Variants in CELF2 observed in about 807,000 individuals in gnomAD.
CELF2 encodes the protein CUG triplet repeat RNA-binding protein 2.
In CELF2, 8 loss-of-function variants were observed where a neutral mutation model predicts 62.6. That is an observed-to-expected ratio of 0.13 (90% CI 0.07 to 0.23). CELF2 has a LOEUF of 0.23. Among genes scored for constraint, CELF2 ranks in the 10% least tolerant of loss-of-function variants. The pLI, the probability that CELF2 is intolerant of heterozygous loss-of-function variation, is 1.00. For missense variants in CELF2, 333 were observed against 671.0 expected (o/e 0.50, Z 5.56); for synonymous variants, 258 against 250.0 (o/e 1.03, Z -0.30).
chr10:10,723,941 C>T, the CELF2 span, among the ~76,000 whole-genome samples: 2 of 152,100 alleles, frequency 1.3e-5, no homozygotes, highest in Non-Finnish European at 2.9e-5. Flanking sequence ...ATGATTATTT[C>T]ATCTCCAATG....
Position 11,237,474 on chromosome 10 carries a change from G to A in CELF2, c.355-11679G>A, listed in dbSNP as rs2071880243. On this transcript the variant is annotated intron_variant, in intron 3 of 12. Transcript: ENST00000633077. This position sits in a 1 kb window ranked among gnomAD's most constrained non-coding sequence, Gnocchi z 4.0. ...CCTGGGAAGCAGTGTAAGAGATCAG[G>A]GTGGACAGAGTCGAGCCCTGCAAAG... 6.6e-6 allele frequency among the ~76,000 whole-genome samples: 1 copy of A among 152,142 alleles called. No individual in the cohort carries two copies. The highest frequency in any genetic ancestry group is 1.5e-5 in the Non-Finnish European group (1 of 68,032).
intron 3 of CELF2, among the ~76,000 whole-genome samples, chr10:11,234,167 G>T (rs2070071366): frequency 1.3e-5 from 2 of 152,160 alleles, no homozygotes; most frequent in South Asian, 4.1e-4. Flanking sequence ...GTAATTTACT[G>T]TGTCACATGG....
At chr10:10,736,238 T>A in the CELF2 span, among the ~76,000 whole-genome samples, 2 of 152,216 alleles carry the variant, frequency 1.3e-5, no homozygotes, top group African/African-American at 4.8e-5. Context: ...CTCATGAAAG[T>A]CTTCTTGCTT....
chr10:11,057,523 T>C (rs1484472461), intron 1 of CELF2, among the ~76,000 whole-genome samples: 1 of 152,224 alleles, frequency 6.6e-6, no homozygotes, highest in Non-Finnish European at 1.5e-5. Context: ...CAAAGGAGCC[T>C]CAGCCACGGC....
the CELF2 span, among the ~76,000 whole-genome samples, chr10:10,724,674 A>G: frequency 3.5e-5 from 5 of 143,820 alleles, no homozygotes; most frequent in Non-Finnish European, 5.9e-5. Context: ...AAAAAAAGAA[A>G]AAAGAAAAGT....
At chr10:11,312,906 T>G (rs2094649753) in intron 9 of CELF2, among the ~76,000 whole-genome samples, 1 of 152,094 alleles carries the variant, frequency 6.6e-6, no homozygotes, top group African/African-American at 2.4e-5. Context: ...TGCACTCCAG[T>G]CTGGGCGACA....
At chr10:10,833,093 A>C (rs2058010414) in intron 1 of CELF2, among the ~76,000 whole-genome samples, 1 of 151,690 alleles carries the variant, frequency 6.6e-6, no homozygotes, top group African/African-American at 2.4e-5. Flanking sequence ...ATTTAGCAAA[A>C]AGAAAGATGT....
At chr10:11,292,715 T>G (rs4747900) in intron 9 of CELF2, among the ~76,000 whole-genome samples, 67,732 of 151,924 alleles carry the variant, frequency 0.45, 17,262 homozygotes, top group Non-Finnish European at 0.59. Flanking sequence ...TGGTCCCACA[T>G]CCTCAGAGTC....
chr10:10,526,391 T>A, the CELF2 span, among the ~76,000 whole-genome samples: 1 of 151,928 alleles, frequency 6.6e-6, no homozygotes, highest in Admixed American at 6.6e-5. Context: ...TACAAAAGAG[T>A]GGGAGGGACT....
At chr10:11,158,897 C>A (rs181156703) in intron 1 of CELF2, among the ~76,000 whole-genome samples, 30 of 152,286 alleles carry the variant, frequency 2.0e-4, no homozygotes, top group Admixed American at 1.0e-3. Flanking sequence ...CCTGTACATT[C>A]TTAAGAAACT....
At chr10:11,198,161 T>C (rs1434885750) in intron 2 of CELF2, among the ~76,000 whole-genome samples, 6 of 152,218 alleles carry the variant, frequency 3.9e-5, no homozygotes, top group Admixed American at 3.9e-4. Flanking sequence ...ACTGATGAAA[T>C]GTTTAAAAGG....
At chr10:10,522,059 G>A in the CELF2 span, among the ~76,000 whole-genome samples, 2 of 152,198 alleles carry the variant, frequency 1.3e-5, no homozygotes, top group African/African-American at 4.8e-5. Context: ...CTTTATCTGG[G>A]GCAGGGATGA....
At chr10:10,467,111 T>A in the CELF2 span, among the ~76,000 whole-genome samples, 1 of 152,056 alleles carries the variant, frequency 6.6e-6, no homozygotes, top group Non-Finnish European at 1.5e-5. Context: ...ACTTATAATA[T>A]ACTAGCATAA....
chr10:11,041,468 T>C (rs562154314), intron 1 of CELF2, among the ~76,000 whole-genome samples: 1 of 152,332 alleles, frequency 6.6e-6, no homozygotes, highest in East Asian at 1.9e-4. Context: ...TCTTTTAAAC[T>C]CTGAGCAGGT....
chr10:11,044,100 A>G (rs764335171), intron 1 of CELF2, among the ~76,000 whole-genome samples: 3 of 152,182 alleles, frequency 2.0e-5, no homozygotes, highest in Admixed American at 6.5e-5. Flanking sequence ...TAGTCGCCTC[A>G]TCCAAAGGCG....
At chr10:11,160,368 A>C (rs1387544305) in intron 1 of CELF2, among the ~76,000 whole-genome samples, 2 of 152,196 alleles carry the variant, frequency 1.3e-5, no homozygotes, top group Non-Finnish European at 2.9e-5. Flanking sequence ...TCAAGCACTG[A>C]TGGGGCTTTC....
the CELF2 span, among the ~76,000 whole-genome samples, chr10:10,771,917 A>T: frequency 2.0e-5 from 3 of 152,208 alleles, no homozygotes; most frequent in Non-Finnish European, 4.4e-5. Context: ...TTACAACTGA[A>T]AAAGTTCTGA....
chr10:10,666,480 G>A, the CELF2 span, among the ~76,000 whole-genome samples: 1 of 152,152 alleles, frequency 6.6e-6, no homozygotes, highest in Non-Finnish European at 1.5e-5. Context: ...GTTGGTAGTG[G>A]AAGTAGCAAA....
the CELF2 span, among the ~76,000 whole-genome samples, chr10:10,673,615 A>G: frequency 1.3e-5 from 2 of 152,088 alleles, no homozygotes; most frequent in African/African-American, 4.8e-5. Context: ...AGTTTCTTAC[A>G]GTAGAAGCTG....
Sources: gnomAD v4.1 joint callset for allele counts (sites outside exome capture counted in the v4.1 genomes callset) on GRCh38, gnomAD v4.1.1 for gene constraint, Gnocchi (gnomAD v3.1) non-coding constraint, MANE v1.5 for transcripts, NCBI Gene and HGNC (gene_info 2026-07-23, HGNC 2026-07-21) for gene names.